The following ASPH variants were observed in gnomAD, a reference collection of about 807,000 sequenced individuals.
ASPH encodes aspartyl/asparaginyl beta-hydroxylase.
A neutral mutation model predicts 118.4 loss-of-function variants in ASPH; 100 were observed. The ratio of observed to expected loss-of-function variants is 0.84; its 90% confidence interval spans 0.72 to 1.00. The LOEUF (loss-of-function observed/expected upper bound fraction) is 1.00. Among genes scored for constraint, ASPH ranks in the 50% least tolerant of loss-of-function variants. The pLI, the probability that ASPH is intolerant of heterozygous loss-of-function variation, is 0.00. For synonymous variants in ASPH, 315 were observed against 325.6 expected (o/e 0.97, Z 0.35); for missense variants, 920 against 919.5 (o/e 1.00, Z -0.01).
chr8:61,560,691 T>C (rs1587118426), intron 18 of ASPH, among the ~76,000 whole-genome samples: 2 of 152,186 alleles, frequency 1.3e-5, no homozygotes, highest in South Asian at 2.1e-4. Flanking sequence ...GAGATTATGA[T>C]ATAAAATGTA....
At chr8:61,698,031 G>A (rs1158901475) in intron 1 of ASPH, among the ~76,000 whole-genome samples, 1 of 152,080 alleles carries the variant, frequency 6.6e-6, no homozygotes, top group Non-Finnish European at 1.5e-5. Context: ...ACTCCTCCTG[G>A]CTTCAAGCAG....
At chr8:61,638,515 G>A in intron 10 of ASPH, 152 bp from the exon 11 acceptor site, 1 of 669,734 alleles carries the variant, frequency 1.5e-6, no homozygotes, top group Middle Eastern at 2.5e-4. Context: ...GTAGGGTGGA[G>A]AAGAGTTTGG....
At chr8:61,670,093 A>T (rs1821642739) in intron 3 of ASPH, among the ~76,000 whole-genome samples, 1 of 152,124 alleles carries the variant, frequency 6.6e-6, no homozygotes, top group South Asian at 2.1e-4. Flanking sequence ...TGACATAAAA[A>T]GGACCAAGCT....
rs182973118 is a variant in ASPH at position 61,503,052 on chromosome 8, G to T, written c.*307C>A. On this transcript the variant is annotated 3_prime_UTR_variant, in exon 25 of 25. Coordinates refer to ENST00000379454, the MANE Select transcript of ASPH (RefSeq NM_004318.4). Reference sequence around the variant, plus strand: ...TATGTTCTCATTATACATTGAATTAGACCTATTCTATGTGGAAAAAATATC... The same window carrying T: ...TATGTTCTCATTATACATTGAATTATACCTATTCTATGTGGAAAAAATATC... 1.2e-3 allele frequency: 286 copies of T among 228,830 alleles called. No homozygotes were observed. The highest frequency in any genetic ancestry group is 6.1e-3 in the African/African-American group (271 of 44,584). 14.2% of individuals were successfully genotyped at this position (228,830 alleles called of 1,614,324 possible).
chr8:61,627,619 C>T (rs1421077380), intron 13 of ASPH, among the ~76,000 whole-genome samples: 1 of 152,152 alleles, frequency 6.6e-6, no homozygotes, highest in African/African-American at 2.4e-5. Flanking sequence ...TGGCATTCAA[C>T]AATTTTCTGG....
chr8:61,641,871 A>G (rs1805291278), intron 10 of ASPH, among the ~76,000 whole-genome samples: 1 of 152,196 alleles, frequency 6.6e-6, no homozygotes, highest in Non-Finnish European at 1.5e-5. Context: ...CTTTACACAT[A>G]AAGTTATACC....
At chr8:61,653,339 T>C (rs1812049113) in intron 4 of ASPH, among the ~76,000 whole-genome samples, 1 of 152,234 alleles carries the variant, frequency 6.6e-6, no homozygotes. Context: ...AAATGTGTGG[T>C]TTTGGACAAA....
intron 1 of ASPH, 63 bp from the exon 2 acceptor site, chr8:61,684,251 CAATT>C: frequency 1.3e-6 from 2 of 1,486,682 alleles, no homozygotes; most frequent in South Asian, 2.7e-5. Context: ...CTTATTCTCA[CAATT>C]ATTTCTCCAA....
intron 24 of ASPH, 93 bp downstream of exon 24, chr8:61,517,435 A>C: frequency 2.7e-6 from 4 of 1,509,138 alleles, no homozygotes; most frequent in Non-Finnish European, 3.6e-6. Flanking sequence ...TCAGCTACAA[A>C]AGAAGATAAG....
At position 61,644,493 on chromosome 8, in the gene ASPH, A is replaced by G. The variant is rs112156849; in HGVS notation, c.652+107T>C. On this transcript the variant is annotated intron_variant, in intron 7 of 24. Coordinates refer to ENST00000379454, the MANE Select transcript of ASPH (RefSeq NM_004318.4). ...TAAAATTATTAATTGCATATCTTGCATATATTAATTTAAATATATCATTAA... is the reference window on the plus strand; with the variant it reads ...TAAAATTATTAATTGCATATCTTGCGTATATTAATTTAAATATATCATTAA... 857 of 716,728 alleles carry G rather than the reference A, an allele frequency of 1.2e-3. 8 individuals carry two copies. The African/African-American group carries it at 0.014, about 11-fold the overall frequency. The allele number at this position is 716,728 out of a possible 1,614,324, so 44.4% of individuals were successfully genotyped here.
intron 18 of ASPH, among the ~76,000 whole-genome samples, chr8:61,561,852 C>T (rs935706321): frequency 2.6e-5 from 4 of 152,102 alleles, no homozygotes; most frequent in African/African-American, 7.2e-5. Flanking sequence ...TGCTTGAGTC[C>T]GGGACATGGA....
At chr8:61,540,301 T>G (rs978838989) in intron 21 of ASPH, among the ~76,000 whole-genome samples, 20 of 152,028 alleles carry the variant, frequency 1.3e-4, no homozygotes, top group Admixed American at 5.2e-4. Context: ...ACCATGGGGG[T>G]GATTTCTCAT....
intron 15 of ASPH, chr8:61,579,352 T>C (rs1214162675): frequency 9.9e-6 from 16 of 1,613,970 alleles, no homozygotes; most frequent in Admixed American, 3.3e-5. Context: ...CAGGAGCTGA[T>C]GAACGTCAAG....
intron 3 of ASPH, among the ~76,000 whole-genome samples, chr8:61,673,221 G>A (rs1335057531): frequency 2.6e-5 from 4 of 152,118 alleles, no homozygotes; most frequent in Non-Finnish European, 5.9e-5. Context: ...GCACCGAGGC[G>A]TCTGCAGGAT....
chr8:61,554,321 A>AT (rs1827069973), intron 19 of ASPH, among the ~76,000 whole-genome samples: 1 of 152,250 alleles, frequency 6.6e-6, no homozygotes, highest in Non-Finnish European at 1.5e-5. Flanking sequence ...AAATGCTCAG[A>AT]TTCTCAAATA....
chr8:61,685,204 C>T (rs954038822), intron 1 of ASPH, among the ~76,000 whole-genome samples: 3 of 152,070 alleles, frequency 2.0e-5, no homozygotes, highest in African/African-American at 7.2e-5. Flanking sequence ...TGCACCTGTT[C>T]CTCACATTGC....
rs1309363471 is a variant in ASPH at position 61,555,974 on chromosome 8, A to C, written c.1486T>G (p.Phe496Val). 1 of 1,614,120 alleles carries C rather than the reference A, an allele frequency of 6.2e-7. No individual in the cohort carries two copies. The highest frequency in any genetic ancestry group is 8.5e-7 in the Non-Finnish European group (1 of 1,180,008). Residue 496 changes from phenylalanine to valine, a missense_variant, in exon 19 of 25, where the codon TTC becomes GTC. Coordinates refer to ENST00000379454, the MANE Select transcript of ASPH (RefSeq NM_004318.4). ...NDGFAKVHYG[F>V]ILKAQNKIAE... ...ATTTTGTTCTGTGCCTTCAGGATGA[A>C]GCCATAATGGACTTTAGCAAAGCCA... is the stretch of plus-strand genomic sequence containing the variant.
intron 20 of ASPH, among the ~76,000 whole-genome samples, chr8:61,551,814 A>G (rs1826116040): frequency 6.6e-6 from 1 of 152,200 alleles, no homozygotes; most frequent in Admixed American, 6.5e-5. Flanking sequence ...ATTACATCTA[A>G]AAGAAAAATG....
intron 24 of ASPH, among the ~76,000 whole-genome samples, chr8:61,512,081 C>A (rs564571921): frequency 6.6e-6 from 1 of 152,246 alleles, no homozygotes; most frequent in Admixed American, 6.5e-5. Flanking sequence ...ACAACAAAAT[C>A]CAAAAAGCCC....
Sources: gnomAD v4.1 joint callset for allele counts (sites outside exome capture counted in the v4.1 genomes callset) on GRCh38, gnomAD v4.1.1 for gene constraint, MANE v1.5 for transcripts, NCBI Gene and HGNC (gene_info 2026-07-23, HGNC 2026-07-21) for gene names.